ELMO2: variants seen among roughly 807,000 people sequenced by gnomAD.
The protein encoded by ELMO2 is engulfment and cell motility 2, also known as engulfment and cell motility protein 2.
In ELMO2, 37 loss-of-function variants were observed where a neutral mutation model predicts 96.2. The observed-to-expected ratio is 0.38, with a 90% CI of 0.30 to 0.51. The LOEUF (loss-of-function observed/expected upper bound fraction) is 0.51, where lower values mean the gene tolerates loss of function less well. Ranked by LOEUF, ELMO2 falls within the 20% of genes least tolerant of loss-of-function variation. The pLI, the probability that ELMO2 is intolerant of heterozygous loss-of-function variation, is 0.88. For synonymous variants in ELMO2, 315 were observed against 329.4 expected (o/e 0.96, Z 0.47); for missense variants, 561 against 912.6 (o/e 0.61, Z 4.96).
At chr20:46,374,706 T>G in intron 13 of ELMO2, 66 bp from the exon 14 acceptor site, 1 of 1,421,888 alleles carries the variant, frequency 7.0e-7, no homozygotes, top group Non-Finnish European at 9.8e-7. Flanking sequence ...CCTGAGGGGA[T>G]GCCCTCTCGC....
chr20:46,403,751 T>A (rs932158675), intron 1 of ELMO2, among the ~76,000 whole-genome samples: 1 of 152,162 alleles, frequency 6.6e-6, no homozygotes, highest in African/African-American at 2.4e-5. Flanking sequence ...CTTACAACAG[T>A]GCTGGTCACG....
chr20:46,368,439 C>G (rs1266446053), intron 21 of ELMO2, among the ~76,000 whole-genome samples: 2 of 152,172 alleles, frequency 1.3e-5, no homozygotes, highest in African/African-American at 4.8e-5. Flanking sequence ...GAGGAAGGAT[C>G]TGTCAAGTTC....
intron 6 of ELMO2, among the ~76,000 whole-genome samples, chr20:46,389,782 A>G (rs1242805909): frequency 2.0e-5 from 3 of 151,996 alleles, no homozygotes; most frequent in African/African-American, 7.3e-5. Context: ...CCAGGAATTC[A>G]AGGTTGCAGT....
At chr20:46,402,230 A>G (rs1785611718) in intron 1 of ELMO2, among the ~76,000 whole-genome samples, 1 of 152,030 alleles carries the variant, frequency 6.6e-6, no homozygotes. Flanking sequence ...ATGAAGCCTA[A>G]GTCTATTCCC....
intron 2 of ELMO2, 74 bp from the exon 3 acceptor site, chr20:46,394,606 G>A (rs1342297433): frequency 8.5e-7 from 1 of 1,170,764 alleles, no homozygotes; most frequent in Non-Finnish European, 1.2e-6. Context: ...GTTTTGAAGA[G>A]TTTGAAGACA....
chr20:46,387,605 C>A, intron 7 of ELMO2, 168 bp from the exon 8 acceptor site: 1 of 247,774 alleles, frequency 4.0e-6, no homozygotes, highest in South Asian at 1.1e-4. Context: ...CAGTGTAGAG[C>A]AGATTCAGCC....
In ELMO2 at chr20:46,393,194, T is replaced by C; in HGVS notation, c.193-51A>G. The C allele has an allele frequency of 2.6e-6, 4 of 1,558,084 alleles. No homozygotes were observed. In the South Asian group the frequency reaches 4.5e-5, roughly 17 times the overall value. The stretch of plus-strand genomic sequence containing the variant: ...AAGTAACTAAGATAAAATGTTAAAG[T>C]GGTACAAGCAAGTTGAATCAACAAT... On this transcript the variant is annotated intron_variant, in intron 5 of 21. Coordinates refer to ENST00000290246, the MANE Select transcript of ELMO2 (RefSeq NM_133171.5).
chr20:46,375,466 C>T lies in ELMO2; in HGVS notation c.931-96G>A. 1 of 1,540,942 alleles carries T rather than the reference C, an allele frequency of 6.5e-7. No individual in the cohort carries two copies. The highest frequency in any genetic ancestry group is 8.8e-7 in the Non-Finnish European group (1 of 1,138,514). ...CAGGCTTTTCTGGGCCAAACTTTGG[C>T]CCCAATCAATCCCTTAGGAGGCATC... On this transcript the variant is annotated intron_variant, in intron 12 of 21. Coordinates refer to ENST00000290246, the MANE Select transcript of ELMO2 (RefSeq NM_133171.5). The surrounding 1 kb of genome is among the most constrained non-coding windows in gnomAD (Gnocchi z 4.6).
intron 9 of ELMO2, among the ~76,000 whole-genome samples, chr20:46,384,040 A>G (rs113488681): frequency 6.6e-6 from 1 of 152,232 alleles, no homozygotes; most frequent in Non-Finnish European, 1.5e-5. Context: ...GACATGGAGA[A>G]ATGTTCAAGG....
At chr20:46,378,028 C>T (rs2059895267) in intron 11 of ELMO2, among the ~76,000 whole-genome samples, 1 of 152,170 alleles carries the variant, frequency 6.6e-6, no homozygotes, top group African/African-American at 2.4e-5. Context: ...CACTCTTCTC[C>T]CTAATTTATA....
rs757118736 is a variant in ELMO2, at chr20:46,380,294, T to C, written c.766A>G (p.Asn256Asp). ...CGGAGATGCTTCTGTGCAAATGCAT[T>C]TGCCATATCCTGTGGAGGAAAATAA... is the stretch of plus-strand genomic sequence containing the variant. The part of the protein sequence containing the change: ...APEDKRQDMA[N>D]AFAQKHLRSI... Residue 256 changes from asparagine to aspartate, a missense_variant, in exon 11 of 22, where the codon AAT becomes GAT. Transcript: ENST00000290246. 1 of 1,613,592 alleles carries C rather than the reference T, an allele frequency of 6.2e-7. No individual in the cohort carries two copies. Among genetic ancestry groups the C allele is most frequent in the South Asian group, 1.1e-5 (1 of 91,000 alleles).
rs374441891 is a variant in ELMO2, at chr20:46,386,064, A to G, written c.677+60T>C. 5.8e-6 allele frequency: 9 copies of G among 1,563,426 alleles called. No individual in the cohort carries two copies. The African/African-American group carries it at 1.1e-4, about 19-fold the overall frequency. ...GGAGAGTAGGATTGGAAGACTTAAA[A>G]TAAGAGGAGAAAAGAGGACAGACAA... On this transcript the variant is annotated intron_variant, in intron 9 of 21. Transcript: ENST00000290246.
At chr20:46,399,577 T>A (rs1266056885) in intron 1 of ELMO2, among the ~76,000 whole-genome samples, 1 of 152,218 alleles carries the variant, frequency 6.6e-6, no homozygotes, top group Non-Finnish European at 1.5e-5. Context: ...ATACTTCCGT[T>A]AATGAGTACG....
chr20:46,399,712 G>C (rs1471265088), intron 1 of ELMO2, among the ~76,000 whole-genome samples: 1 of 152,222 alleles, frequency 6.6e-6, no homozygotes, highest in Non-Finnish European at 1.5e-5. Context: ...GGCTCAGTAA[G>C]CACCTGTGTC....
chr20:46,374,626 T>C lies in ELMO2; in HGVS notation c.1080A>G (p.Pro360=), dbSNP rs763942404. ...GAGGAGTCTGGGTAAAGTCCATGGCTGGATTGATGTGGTTCTAGAGAAATA... is the reference window on the plus strand; with the variant it reads ...GAGGAGTCTGGGTAAAGTCCATGGCCGGATTGATGTGGTTCTAGAGAAATA... ...KMLGFTNHIN[P]AMDFTQTPPG... is the part of the protein sequence containing the mutation. Residue 360 remains proline (P), a synonymous_variant, in exon 14 of 22, where the codon CCA becomes CCG. Transcript: ENST00000290246. 1.1e-5 allele frequency: 18 copies of C among 1,614,036 alleles called. No homozygotes were observed. The highest frequency in any genetic ancestry group is 3.3e-5 in the South Asian group (3 of 91,082).
intron 2 of ELMO2, 118 bp from the exon 3 acceptor site, chr20:46,394,650 G>A: frequency 1.3e-6 from 1 of 744,876 alleles, no homozygotes; most frequent in Non-Finnish European, 2.2e-6. Context: ...AAACTACCTG[G>A]TTTGAATTTT....
intron 6 of ELMO2, among the ~76,000 whole-genome samples, chr20:46,390,083 G>A (rs1333686661): frequency 2.0e-5 from 3 of 151,802 alleles, no homozygotes; most frequent in Non-Finnish European, 4.4e-5. Context: ...AACCCAGGAG[G>A]TGGAGGCTGC....
At chr20:46,381,439 C>A (rs1568763491) in intron 10 of ELMO2, among the ~76,000 whole-genome samples, 1 of 152,164 alleles carries the variant, frequency 6.6e-6, no homozygotes, top group Non-Finnish European at 1.5e-5. Context: ...AGCTGAAAGG[C>A]CCCTCTGTCA....
chr20:46,367,639 G>T, intron 21 of ELMO2, 79 bp from the exon 22 acceptor site: 1 of 1,220,554 alleles, frequency 8.2e-7, no homozygotes, highest in Non-Finnish European at 1.1e-6. Flanking sequence ...TTTTCTGATG[G>T]GGCTCACAAC....
Sources: gnomAD v4.1 joint callset for allele counts (sites outside exome capture counted in the v4.1 genomes callset) on GRCh38, gnomAD v4.1.1 for gene constraint, Gnocchi (gnomAD v3.1) non-coding constraint, MANE v1.5 for transcripts, NCBI Gene and HGNC (gene_info 2026-07-23, HGNC 2026-07-21) for gene names.